The following SCFD2 variants were observed in gnomAD, a reference collection of about 807,000 sequenced individuals.
SCFD2 encodes the protein sec1 family domain-containing protein 2.
In SCFD2, 54 loss-of-function variants were observed where a neutral mutation model predicts 58.9. The ratio of observed to expected loss-of-function variants is 0.92; its 90% CI spans 0.74 to 1.15. The LOEUF is 1.15. Ranked by LOEUF, SCFD2 falls within the 50% of genes most tolerant of loss-of-function variation. The probability of loss-of-function intolerance (pLI) is 0.00; values close to 1 mark genes in which losing one functional copy is unlikely to be tolerated. For missense variants in SCFD2, 805 were observed against 836.6 expected (o/e 0.96, Z 0.47); for synonymous variants, 321 against 335.9 (o/e 0.96, Z 0.49).
At chr4:52,918,602 T>TC (rs1719662384) in intron 6 of SCFD2, among the ~76,000 whole-genome samples, 1 of 152,182 alleles carries the variant, frequency 6.6e-6, no homozygotes. Context: ...TCCTTATCCA[T>TC]CCAATCCTAC....
intron 4 of SCFD2, among the ~76,000 whole-genome samples, chr4:53,187,114 A>G (rs1422873004): frequency 6.6e-6 from 1 of 152,102 alleles, no homozygotes; most frequent in African/African-American, 2.4e-5. Context: ...GTACAAATTA[A>G]TAAGATTAAA....
chr4:53,113,491 T>G (rs1725229993), intron 5 of SCFD2, among the ~76,000 whole-genome samples: 1 of 152,104 alleles, frequency 6.6e-6, no homozygotes, highest in Non-Finnish European at 1.5e-5. Context: ...TTTCATTGTT[T>G]TAAGCCACTG....
chr4:52,959,396 G>A (rs1230589342), intron 5 of SCFD2, among the ~76,000 whole-genome samples: 1 of 152,036 alleles, frequency 6.6e-6, no homozygotes, highest in Admixed American at 6.6e-5. Context: ...AGAATCTCTG[G>A]GGATAAGGCC....
At chr4:52,958,825 C>T (rs959359920) in intron 5 of SCFD2, among the ~76,000 whole-genome samples, 2 of 152,006 alleles carry the variant, frequency 1.3e-5, no homozygotes, top group Admixed American at 6.5e-5. Context: ...CAGGTAAATA[C>T]GTTTCAAACA....
intron 5 of SCFD2, among the ~76,000 whole-genome samples, chr4:53,116,388 G>A (rs1725320192): frequency 6.6e-6 from 1 of 152,084 alleles, no homozygotes; most frequent in Non-Finnish European, 1.5e-5. Flanking sequence ...TAGGAAGAGG[G>A]GGACATAATA....
chr4:53,199,589 C>T (rs1364988807), intron 4 of SCFD2, among the ~76,000 whole-genome samples: 1 of 151,958 alleles, frequency 6.6e-6, no homozygotes. Flanking sequence ...TGGGGCTGGT[C>T]ATCAGAAAGA....
At chr4:53,352,895 T>C in intron 1 of SCFD2, 129 bp from the exon 2 acceptor site, 1 of 794,266 alleles carries the variant, frequency 1.3e-6, no homozygotes, top group Non-Finnish European at 2.0e-6. Flanking sequence ...AAAACTCACA[T>C]TTTGCCCTTC....
chr4:53,199,761 A>G (rs555667239), intron 4 of SCFD2, among the ~76,000 whole-genome samples: 1 of 152,284 alleles, frequency 6.6e-6, no homozygotes, highest in South Asian at 2.1e-4. Flanking sequence ...GTCCCCGTAC[A>G]AAATAAGTAG....
chr4:53,226,155 C>G (rs1729206149), intron 4 of SCFD2, among the ~76,000 whole-genome samples: 1 of 152,056 alleles, frequency 6.6e-6, no homozygotes, highest in Non-Finnish European at 1.5e-5. Flanking sequence ...CTCCCCTCAT[C>G]AATTGTTCTT....
intron 5 of SCFD2, among the ~76,000 whole-genome samples, chr4:53,105,257 G>A (rs1041111328): frequency 2.0e-5 from 3 of 151,870 alleles, no homozygotes; most frequent in Admixed American, 6.6e-5. Context: ...AAAACTGCGC[G>A]GCCGTTTGGG....
intron 5 of SCFD2, among the ~76,000 whole-genome samples, chr4:53,016,164 A>T (rs1051818454): frequency 1.3e-5 from 2 of 152,246 alleles, no homozygotes; most frequent in Non-Finnish European, 2.9e-5. Context: ...AAACCCTCAC[A>T]AAATAAAACA....
chr4:53,359,800 T>C (rs1285478085), intron 1 of SCFD2, among the ~76,000 whole-genome samples: 1 of 152,204 alleles, frequency 6.6e-6, no homozygotes, highest in Admixed American at 6.5e-5. Flanking sequence ...CATGACCATG[T>C]ATTCTCCAGA....
chr4:53,212,373 C>G (rs1185893094), intron 4 of SCFD2, among the ~76,000 whole-genome samples: 1 of 151,902 alleles, frequency 6.6e-6, no homozygotes, highest in Admixed American at 6.6e-5. Flanking sequence ...ACAATGAAAT[C>G]AATTACCTAG....
intron 5 of SCFD2, among the ~76,000 whole-genome samples, chr4:53,091,048 G>A (rs1430433510): frequency 1.3e-5 from 2 of 152,038 alleles, no homozygotes; most frequent in African/African-American, 2.4e-5. Context: ...TAACTGCTAT[G>A]CCATGTTGTT....
intron 4 of SCFD2, among the ~76,000 whole-genome samples, chr4:53,254,850 ATTTT>A (rs1730543930): frequency 9.5e-6 from 1 of 105,648 alleles, no homozygotes; most frequent in Admixed American, 9.4e-5. Flanking sequence ...ATTTTATTTT[ATTTT>A]ATTTTATTTA....
chr4:53,233,328 T>C (rs1272368203), intron 4 of SCFD2, among the ~76,000 whole-genome samples: 4 of 151,868 alleles, frequency 2.6e-5, no homozygotes, highest in Non-Finnish European at 5.9e-5. Context: ...AAACCACTGT[T>C]ATTTCCCTTT....
At chr4:53,146,185 A>C (rs1482180891) in intron 4 of SCFD2, among the ~76,000 whole-genome samples, 1 of 152,004 alleles carries the variant, frequency 6.6e-6, no homozygotes, top group Non-Finnish European at 1.5e-5. Flanking sequence ...ACTCGCATTA[A>C]ATTTAAAAAA....
intron 5 of SCFD2, among the ~76,000 whole-genome samples, chr4:52,979,239 G>A (rs765878719): frequency 7.2e-5 from 11 of 151,994 alleles, no homozygotes; most frequent in Non-Finnish European, 1.0e-4. Flanking sequence ...ATACACCAGC[G>A]GTGCAGGTTT....
chr4:53,298,503 G>C (rs1418304067), intron 3 of SCFD2, among the ~76,000 whole-genome samples: 1 of 152,210 alleles, frequency 6.6e-6, no homozygotes, highest in Non-Finnish European at 1.5e-5. Flanking sequence ...TGCCTCTGTA[G>C]GCTCCACCTC....
Sources: allele counts gnomAD v4.1 joint callset (sites outside exome capture counted in the v4.1 genomes callset), GRCh38; gene constraint gnomAD v4.1.1; transcripts MANE v1.5; gene names NCBI Gene and HGNC (gene_info 2026-07-23, HGNC 2026-07-21).